Variants in SHISA6 observed in about 807,000 individuals in gnomAD.
The protein encoded by SHISA6 is protein shisa-6.
Under a neutral mutation model 47.9 loss-of-function variants are expected in SHISA6, and 22 were observed. The observed-to-expected ratio is 0.46, with a 90% CI of 0.33 to 0.66. The LOEUF (loss-of-function observed/expected upper bound fraction) is 0.66, where lower values mean the gene tolerates loss of function less well. SHISA6 is among the 30% of genes least tolerant of loss of function. The pLI is 0.02. For missense variants in SHISA6, 680 were observed against 764.6 expected, an observed-to-expected ratio of 0.89 and a Z score of 1.30; for synonymous variants, 388 against 337.8, an observed-to-expected ratio of 1.15 and a Z score of -1.63.
intron 3 of SHISA6, among the ~76,000 whole-genome samples, chr17:11,543,817 C>T (rs1036032939): frequency 6.8e-5 from 10 of 147,276 alleles, no homozygotes; most frequent in Admixed American, 2.0e-4. Context: ...CAAATATACC[C>T]AACTGATTTT....
At chr17:11,386,980 G>A (rs1913216523) in intron 3 of SHISA6, among the ~76,000 whole-genome samples, 1 of 152,190 alleles carries the variant, frequency 6.6e-6, no homozygotes, top group African/African-American at 2.4e-5. Flanking sequence ...AGAAAGCTCT[G>A]CCAGTCTGGC....
rs887934092 is a variant in SHISA6 at position 11,551,950 on chromosome 17, A to G, written c.950A>G (p.His317Arg). ...ILSSVTQIPP[H>R]EKPRMNNILT... is the part of the protein sequence containing the mutation. Reference sequence around the variant, plus strand: ...AGCAGTGTTACCCAGATCCCGCCACATGGTGAGAGATGATTGAGAGCACTC... The same window carrying G: ...AGCAGTGTTACCCAGATCCCGCCACGTGGTGAGAGATGATTGAGAGCACTC... The change falls in exon 4 of 6, where the codon CAT (histidine) becomes CGT (arginine). Residue 317 changes from histidine to arginine, a missense_variant and splice_region_variant. Around this residue, in one of 2 missense-constraint regions of SHISA6, gnomAD observed 559 missense variants for 674.1 expected, o/e 0.83. Coordinates refer to ENST00000441885, the MANE Select transcript of SHISA6 (RefSeq NM_207386.4). 1.3e-6 allele frequency: 2 copies of G among 1,551,668 alleles called. No individual in the cohort carries two copies. The highest frequency in any genetic ancestry group is 2.4e-5 in the South Asian group (2 of 84,056).
chr17:11,272,201 A>G (rs1010787617), intron 2 of SHISA6, among the ~76,000 whole-genome samples: 5 of 152,046 alleles, frequency 3.3e-5, no homozygotes, highest in African/African-American at 4.8e-5. Context: ...CTGCCTACTC[A>G]AACACATTTG....
intron 3 of SHISA6, among the ~76,000 whole-genome samples, chr17:11,420,492 A>G (rs1007492662): frequency 1.3e-5 from 2 of 152,218 alleles, no homozygotes; most frequent in Non-Finnish European, 2.9e-5. Context: ...TTTTGTTCCT[A>G]CAAGAGAAAC....
At chr17:11,350,178 A>ATTTTTT (rs199879665) in intron 2 of SHISA6, among the ~76,000 whole-genome samples, 2 of 101,148 alleles carry the variant, frequency 2.0e-5, no homozygotes, top group African/African-American at 7.8e-5. Context: ...TTATTTATTT[A>ATTTTTT]TTTATTTTTT....
intron 2 of SHISA6, among the ~76,000 whole-genome samples, chr17:11,287,475 C>T (rs985653273): frequency 7.3e-5 from 11 of 151,206 alleles, no homozygotes; most frequent in Non-Finnish European, 1.2e-4. Context: ...CACTTGAACC[C>T]GGGAGTTGGA....
intron 3 of SHISA6, among the ~76,000 whole-genome samples, chr17:11,462,066 ATAT>A (rs1363675007): frequency 6.6e-6 from 1 of 152,214 alleles, no homozygotes; most frequent in African/African-American, 2.4e-5. Context: ...AGGCAAAGCC[ATAT>A]AAGAGGGGAA....
chr17:11,540,209 G>C (rs930277640), intron 3 of SHISA6, among the ~76,000 whole-genome samples: 1 of 152,182 alleles, frequency 6.6e-6, no homozygotes, highest in Non-Finnish European at 1.5e-5. Context: ...TTGACCCTCT[G>C]TATCGACTCT....
intron 3 of SHISA6, among the ~76,000 whole-genome samples, chr17:11,452,112 G>A (rs959846169): frequency 2.6e-5 from 4 of 152,228 alleles, no homozygotes; most frequent in Non-Finnish European, 5.9e-5. Context: ...ATCTCCAGCA[G>A]TGGTCAGAGG....
intron 2 of SHISA6, among the ~76,000 whole-genome samples, chr17:11,354,738 C>T (rs1597472693): frequency 6.6e-6 from 1 of 152,108 alleles, no homozygotes; most frequent in Non-Finnish European, 1.5e-5. Flanking sequence ...TTTGTGGGCA[C>T]GTGCCTCCCC....
At chr17:11,427,939 G>T (rs756183074) in intron 3 of SHISA6, among the ~76,000 whole-genome samples, 8 of 152,194 alleles carry the variant, frequency 5.3e-5, no homozygotes, top group Non-Finnish European at 1.2e-4. Flanking sequence ...TTTAGATGGA[G>T]TGTAATTGCT....
At chr17:11,273,327 C>A (rs929659910) in intron 2 of SHISA6, among the ~76,000 whole-genome samples, 1 of 152,150 alleles carries the variant, frequency 6.6e-6, no homozygotes, top group African/African-American at 2.4e-5. Context: ...GTTCTGAAGC[C>A]GTGTGTCTAC....
At chr17:11,262,246 G>A (rs1908257460) in intron 1 of SHISA6, among the ~76,000 whole-genome samples, 1 of 152,214 alleles carries the variant, frequency 6.6e-6, no homozygotes, top group Non-Finnish European at 1.5e-5. Context: ...TTTCATGGGG[G>A]CAGAGTGTTG....
intron 3 of SHISA6, among the ~76,000 whole-genome samples, chr17:11,423,257 T>TA (rs1298048624): frequency 4.5e-5 from 6 of 134,602 alleles, no homozygotes; most frequent in African/African-American, 8.9e-5. Context: ...ATATATATAA[T>TA]ATATATATAT....
At chr17:11,474,745 T>C (rs983400048) in intron 3 of SHISA6, among the ~76,000 whole-genome samples, 6 of 152,222 alleles carry the variant, frequency 3.9e-5, no homozygotes, top group African/African-American at 1.4e-4. Flanking sequence ...ACTGTAACTT[T>C]ATAGTTAAAG....
chr17:11,535,777 TATAA>T (rs1283621620), intron 3 of SHISA6, among the ~76,000 whole-genome samples: 1 of 152,230 alleles, frequency 6.6e-6, no homozygotes, highest in African/African-American at 2.4e-5. Flanking sequence ...CAATGTCATC[TATAA>T]AATGTAAATG....
At chr17:11,304,470 T>A (rs1193544493) in intron 2 of SHISA6, among the ~76,000 whole-genome samples, 2 of 147,636 alleles carry the variant, frequency 1.4e-5, no homozygotes, top group Non-Finnish European at 3.0e-5. Flanking sequence ...TGCCTGGTAC[T>A]GGGATGCAAT....
At chr17:11,414,816 G>C (rs538057353) in intron 3 of SHISA6, among the ~76,000 whole-genome samples, 2 of 152,208 alleles carry the variant, frequency 1.3e-5, no homozygotes, top group Non-Finnish European at 2.9e-5. Context: ...GGCCGGGTGT[G>C]GTGGCTCACG....
chr17:11,274,377 C>A (rs566504967), intron 2 of SHISA6, among the ~76,000 whole-genome samples: 69 of 152,220 alleles, frequency 4.5e-4, no homozygotes, highest in Non-Finnish European at 8.4e-4. Context: ...TTCGCAATTA[C>A]CTCCATGAGT....
Sources: allele counts gnomAD v4.1 joint callset (sites outside exome capture counted in the v4.1 genomes callset), GRCh38; gene constraint gnomAD v4.1.1; regional missense constraint gnomAD v4.1.1; transcripts MANE v1.5; gene names NCBI Gene and HGNC (gene_info 2026-07-23, HGNC 2026-07-21).